NASP: variants seen among roughly 807,000 people sequenced by gnomAD.
NASP encodes NASP histone chaperone.
Under a neutral mutation model 89.5 loss-of-function variants are expected in NASP, and 24 were observed. The ratio of observed to expected loss-of-function variants is 0.27; its 90% CI spans 0.19 to 0.38. The LOEUF is 0.38. Among genes scored for constraint, NASP ranks in the 10% least tolerant of loss-of-function variants. NASP has a pLI of 1.00. For missense variants in NASP, 848 were observed against 921.4 expected (o/e 0.92, Z 1.03); for synonymous variants, 306 against 324.7 (o/e 0.94, Z 0.62).
At chr1:45,613,320 G>T (rs1644048652) in intron 7 of NASP, 72 bp downstream of exon 7, 2 of 1,511,588 alleles carry the variant, frequency 1.3e-6, no homozygotes, top group South Asian at 2.6e-5. Flanking sequence ...CACTCTTGTT[G>T]CCTAGGCTGG....
rs532314162 is a variant in NASP at position 45,608,245 on chromosome 1, A to G, written c.1334A>G (p.Gln445Arg). 1.9e-6 allele frequency: 3 copies of G among 1,614,006 alleles called. No homozygotes were observed. Among genetic ancestry groups the G allele is most frequent in the South Asian group, 2.2e-5 (2 of 91,070 alleles). The change falls in exon 6 of 15, where the codon CAG (glutamine) becomes CGG (arginine). Residue 445 changes from glutamine to arginine, a missense_variant. This residue lies in a region of NASP where 464 missense variants were observed against 469.4 expected (regional missense o/e 0.99). Transcript: ENST00000350030. Reference sequence around the variant, plus strand: ...GATGGGGTTGATACCAAGGTAGCCCAGGGAGCTACTGAGAAATCACCTGAA... The same window carrying G: ...GATGGGGTTGATACCAAGGTAGCCCGGGGAGCTACTGAGAAATCACCTGAA... ...AGDGVDTKVAQGATEKSPEDK... is the reference protein window; with the variant it reads ...AGDGVDTKVARGATEKSPEDK...
At chr1:45,587,661 C>CATATATAT (rs1553169239) in intron 1 of NASP, among the ~76,000 whole-genome samples, 4 of 6,392 alleles carry the variant, frequency 6.3e-4, no homozygotes, top group Admixed American at 7.5e-4. Flanking sequence ...TGAGTTTTTT[C>CATATATAT]ATATATATAT....
At chr1:45,590,194 A>T (rs925078096) in intron 1 of NASP, among the ~76,000 whole-genome samples, 9 of 152,280 alleles carry the variant, frequency 5.9e-5, no homozygotes, top group African/African-American at 1.7e-4. Context: ...CTATACAAGT[A>T]CTGCCTTAGT....
In NASP at chr1:45,595,003, C is replaced by T. The variant is rs577670085; in HGVS notation, c.107+3733C>T. 4.1e-4 allele frequency among the ~76,000 whole-genome samples: 62 copies of T among 151,596 alleles called. No homozygotes were observed. In the East Asian group the frequency reaches 8.7e-3, roughly 21 times the overall value. ...TGCTTAATCTTTCCTTCTTTTTTTTCCCCCCTTGAGTCAGGGTATTGCTCA... is the reference window on the plus strand; with the variant it reads ...TGCTTAATCTTTCCTTCTTTTTTTTTCCCCCTTGAGTCAGGGTATTGCTCA... On this transcript the variant is annotated intron_variant, in intron 2 of 14. Transcript: ENST00000350030.
intron 1 of NASP, among the ~76,000 whole-genome samples, chr1:45,590,326 C>T (rs1233929287): frequency 0.011 from 8 of 738 alleles, no homozygotes; most frequent in African/African-American, 0.048. Flanking sequence ...AGGTGGATCA[C>T]GAGGTCAGGA....
rs775230098 is a variant in NASP, at chr1:45,607,858, A to G, written c.947A>G (p.Glu316Gly). 5.6e-6 allele frequency: 9 copies of G among 1,614,156 alleles called. No homozygotes were observed. In the South Asian group the frequency reaches 7.7e-5, roughly 14 times the overall value. Residue 316 changes from glutamate (E) to glycine (G), a missense_variant, in exon 6 of 15, where the codon GAG becomes GGG. Physicochemically the swap from Glu to Gly is moderately conservative, Grantham distance 98. This residue lies in a region of NASP where 464 missense variants were observed against 469.4 expected (regional missense o/e 0.99). Coordinates refer to ENST00000350030, the MANE Select transcript of NASP (RefSeq NM_002482.4). ...GATGTGGGTGGGGACGAGCCAGAGG[A>G]GAAGGTAGTTACCTCTGAAAACGAG... Reference protein sequence around the residue: ...PVDVGGDEPEEKVVTSENEAG... With the variant: ...PVDVGGDEPEGKVVTSENEAG...
chr1:45,600,677 C>T (rs769249767), intron 2 of NASP, among the ~76,000 whole-genome samples: 1 of 152,156 alleles, frequency 6.6e-6, no homozygotes, highest in Non-Finnish European at 1.5e-5. Flanking sequence ...TATGGGCATT[C>T]ATTTCCATTT....
chr1:45,614,065 CCTAT>C (rs1557665935), intron 7 of NASP, 27 bp from the exon 8 acceptor site: 9 of 1,424,064 alleles, frequency 6.3e-6, no homozygotes, highest in Non-Finnish European at 7.9e-6. Flanking sequence ...GAAAAAGATG[CCTAT>C]CTTTTTATTA....
At chr1:45,595,129 TTG>T (rs57391869) in intron 2 of NASP, among the ~76,000 whole-genome samples, 16,170 of 111,432 alleles carry the variant, frequency 0.15, 1,183 homozygotes, top group Admixed American at 0.18. Flanking sequence ...AGACTAAGTT[TTG>T]TGTGTGTGTG....
At chr1:45,601,816 C>A (rs1018667730) in intron 2 of NASP, among the ~76,000 whole-genome samples, 26 of 115,276 alleles carry the variant, frequency 2.3e-4, no homozygotes, top group Admixed American at 8.1e-4. Context: ...AGTGCAGTGG[C>A]GCATCTCAGC....
Position 45,591,249 on chromosome 1 carries a change from C to A in NASP, c.86C>A (p.Thr29Lys). 1 of 1,547,540 alleles carries A rather than the reference C, an allele frequency of 6.5e-7. No homozygotes were observed. Among genetic ancestry groups the A allele is most frequent in the Middle Eastern group, 1.8e-4 (1 of 5,690 alleles). The change falls in exon 2 of 15, where the codon ACA becomes AAA. Residue 29 changes from threonine (T) to lysine (K), a missense_variant. Thr to Lys is a moderately conservative substitution (Grantham distance 78). Transcript: ENST00000350030. The stretch of plus-strand genomic sequence containing the variant: ...ATTGAAGATGTTCCTGCTCCTTCTA[C>A]ATCTGCAGATAAAGTGGAGAGGTAA... ...DKIEDVPAPS[T>K]SADKVESLDV... is the part of the protein sequence containing the mutation.
chr1:45,588,957 GTGTT>G (rs56181355), intron 1 of NASP: 112,927 of 160,970 alleles, frequency 0.7, 39,894 homozygotes, highest in African/African-American at 0.72. Flanking sequence ...AGGTGGTCAA[GTGTT>G]TGTTTGTTTG....
intron 13 of NASP, 131 bp downstream of exon 13, chr1:45,616,834 G>A: frequency 1.2e-6 from 1 of 853,502 alleles, no homozygotes; most frequent in Non-Finnish European, 1.9e-6. Flanking sequence ...GGATTTGTGA[G>A]TGGAGACTGT....
chr1:45,585,010 G>A (rs1177783593), intron 1 of NASP, among the ~76,000 whole-genome samples: 1 of 152,232 alleles, frequency 6.6e-6, no homozygotes, highest in Admixed American at 6.5e-5. Context: ...TCTTCAGGAA[G>A]CGCTGTCTGG....
intron 13 of NASP, 155 bp from the exon 14 acceptor site, chr1:45,617,308 G>C: frequency 1.3e-6 from 1 of 757,072 alleles, no homozygotes; most frequent in Non-Finnish European, 2.1e-6. Context: ...TGAGAGTACA[G>C]GTTGGCATCT....
At chr1:45,585,673 T>C (rs1304883561) in intron 1 of NASP, among the ~76,000 whole-genome samples, 1 of 152,162 alleles carries the variant, frequency 6.6e-6, no homozygotes, top group Admixed American at 6.5e-5. Flanking sequence ...GTTTTTGTTT[T>C]GTTTTTGCAG....
chr1:45,615,428 A>G lies in NASP; in HGVS notation c.1979A>G (p.Gln660Arg), dbSNP rs1218990390. 2.5e-6 allele frequency: 4 copies of G among 1,614,134 alleles called. No individual in the cohort carries two copies. The highest frequency in any genetic ancestry group is 3.4e-6 in the Non-Finnish European group (4 of 1,180,004). The change falls in exon 11 of 15, where the codon CAG (glutamine) becomes CGG (arginine). Residue 660 changes from glutamine to arginine, a missense_variant. Coordinates refer to ENST00000350030, the MANE Select transcript of NASP (RefSeq NM_002482.4). Reference protein sequence around the residue: ...REKIEDAKESQRSGNVAELAL... With the variant: ...REKIEDAKESRRSGNVAELAL... ...AAGATAGAAGATGCAAAGGAGTCTC[A>G]GCGTAGTGGGAATGTAGCTGAACTG...
chr1:45,605,963 A>G (rs1643903559), intron 4 of NASP, among the ~76,000 whole-genome samples: 1 of 151,492 alleles, frequency 6.6e-6, no homozygotes, highest in African/African-American at 2.4e-5. Flanking sequence ...TTTAGTAGAG[A>G]TGGGGTTTCT....
chr1:45,617,327 C>A, intron 13 of NASP, 136 bp from the exon 14 acceptor site: 1 of 1,005,142 alleles, frequency 9.9e-7, no homozygotes. Flanking sequence ...CTGCCTGTGG[C>A]TAGGGAGAGA....
Sources: allele counts gnomAD v4.1 joint callset (sites outside exome capture counted in the v4.1 genomes callset), GRCh38; gene constraint gnomAD v4.1.1; regional missense constraint gnomAD v4.1.1; transcripts MANE v1.5; gene names NCBI Gene and HGNC (gene_info 2026-07-23, HGNC 2026-07-21).